The following CHN2 variants were observed in gnomAD, a reference collection of about 807,000 sequenced individuals.
CHN2 encodes chimerin 2, also known as beta-chimaerin.
CHN2 carries 35 observed loss-of-function variants against 56.3 expected under a neutral mutation model. The observed-to-expected ratio is 0.62, with a 90% confidence interval of 0.47 to 0.82. CHN2 has a LOEUF of 0.82. Among genes scored for constraint, CHN2 ranks in the 40% least tolerant of loss-of-function variants. CHN2 has a pLI of 0.00. For missense variants in CHN2, 491 were observed against 580.5 expected (o/e 0.85, Z 1.58); for synonymous variants, 210 against 212.8 (o/e 0.99, Z 0.12).
intron 6 of CHN2, among the ~76,000 whole-genome samples, chr7:29,413,983 A>G (rs1315096219): frequency 6.6e-6 from 1 of 152,200 alleles, no homozygotes; most frequent in African/African-American, 2.4e-5. Context: ...CATTACACAC[A>G]TGCCTGCCTC....
intron 1 of CHN2, among the ~76,000 whole-genome samples, chr7:29,227,603 G>C (rs534783601): frequency 2.0e-5 from 3 of 152,292 alleles, no homozygotes; most frequent in East Asian, 3.9e-4. Flanking sequence ...TTGCTTGCTG[G>C]ATTTGAACTG....
At chr7:29,169,457 T>G (rs1485294681) in intron 2 of CHN2, among the ~76,000 whole-genome samples, 3 of 152,356 alleles carry the variant, frequency 2.0e-5, no homozygotes, top group Non-Finnish European at 4.4e-5. Context: ...TGTTTTTATA[T>G]AAATGTTTAT....
intron 7 of CHN2, among the ~76,000 whole-genome samples, chr7:29,486,626 G>T (rs1788037765): frequency 6.6e-6 from 1 of 152,176 alleles, no homozygotes; most frequent in East Asian, 1.9e-4. Context: ...TAGGGGAAAT[G>T]GTTGCCCTAC....
At chr7:29,349,144 G>A (rs1268432044) in intron 1 of CHN2, among the ~76,000 whole-genome samples, 3 of 152,042 alleles carry the variant, frequency 2.0e-5, no homozygotes, top group Non-Finnish European at 4.4e-5. Flanking sequence ...TTTATCTTAC[G>A]CCCACCCTTC....
intron 6 of CHN2, among the ~76,000 whole-genome samples, chr7:29,440,684 C>CAAAAAAAAA (rs556692737): frequency 1.3e-4 from 6 of 45,668 alleles, no homozygotes; most frequent in Non-Finnish European, 1.6e-4. Context: ...GACTCCGTCT[C>CAAAAAAAAA]AAAAAAAAAA....
At chr7:29,393,826 G>C in intron 4 of CHN2, 116 bp downstream of exon 4, 1 of 324,866 alleles carries the variant, frequency 3.1e-6, no homozygotes, top group South Asian at 5.6e-5. Context: ...TTGTGCAAGA[G>C]TTTAATGATA....
At chr7:29,495,878 A>G in intron 7 of CHN2, 74 bp from the exon 8 acceptor site, 2 of 1,270,082 alleles carry the variant, frequency 1.6e-6, no homozygotes, top group Non-Finnish European at 2.3e-6. Flanking sequence ...GCTGATCTTC[A>G]TTGACATGTC....
At chr7:29,263,291 A>T (rs1246324389) in intron 1 of CHN2, among the ~76,000 whole-genome samples, 2 of 152,128 alleles carry the variant, frequency 1.3e-5, no homozygotes, top group Non-Finnish European at 2.9e-5. Context: ...CGGCCTCCCG[A>T]GGTGCCGGGA....
chr7:29,297,744 G>A (rs564257902), intron 1 of CHN2, among the ~76,000 whole-genome samples: 1 of 152,016 alleles, frequency 6.6e-6, no homozygotes, highest in South Asian at 2.1e-4. Flanking sequence ...ACTAGTTTAA[G>A]GCTTGGGAAA....
At chr7:29,403,180 C>T (rs1235995119) in intron 6 of CHN2, among the ~76,000 whole-genome samples, 6 of 152,010 alleles carry the variant, frequency 3.9e-5, no homozygotes, top group Admixed American at 3.9e-4. Context: ...TCTCTCTGAC[C>T]TATATTGACA....
chr7:29,240,087 G>A (rs1437445584), intron 1 of CHN2, among the ~76,000 whole-genome samples: 1 of 152,202 alleles, frequency 6.6e-6, no homozygotes, highest in African/African-American at 2.4e-5. Context: ...TGAATGGGCT[G>A]ACTGGCTGGC....
chr7:29,333,672 G>C (rs1435183484), intron 1 of CHN2, among the ~76,000 whole-genome samples: 1 of 152,142 alleles, frequency 6.6e-6, no homozygotes, highest in Non-Finnish European at 1.5e-5. Flanking sequence ...TATTGAACAT[G>C]GTCTATTCCT....
chr7:29,398,089 G>T, intron 4 of CHN2: 1 of 253,182 alleles, frequency 3.9e-6, no homozygotes, highest in Non-Finnish European at 7.4e-6. Flanking sequence ...TGAGTAACCT[G>T]GCTTTTTGTT....
intron 1 of CHN2, among the ~76,000 whole-genome samples, chr7:29,270,651 C>T (rs186095890): frequency 1.6e-3 from 241 of 149,300 alleles, no homozygotes; most frequent in African/African-American, 5.6e-3. Flanking sequence ...GGCAACAGAG[C>T]AAGACTCTGT....
At position 29,281,351 on chromosome 7, in the gene CHN2, G is replaced by A. The variant is rs563461664; in HGVS notation, c.50-73274G>A. Among the ~76,000 whole-genome samples the A allele has an allele frequency of 2.0e-5, 3 of 152,168 alleles. No homozygotes were observed. In the East Asian group the frequency reaches 5.8e-4, roughly 29 times the overall value. The stretch of plus-strand genomic sequence containing the variant: ...GTTTGCATACTGAAAATTATCCATG[G>A]AAGGATACAGCACCATTTTTACTTA... On this transcript the variant is annotated intron_variant, in intron 1 of 12. Coordinates refer to ENST00000222792, the MANE Select transcript of CHN2 (RefSeq NM_004067.4).
chr7:29,324,384 C>G (rs2128896876), intron 1 of CHN2, among the ~76,000 whole-genome samples: 1 of 152,282 alleles, frequency 6.6e-6, no homozygotes, highest in South Asian at 2.1e-4. Context: ...ATCATTTAAA[C>G]CATAGCCTAA....
intron 6 of CHN2, among the ~76,000 whole-genome samples, chr7:29,458,063 C>T (rs1347971450): frequency 1.3e-5 from 2 of 152,156 alleles, no homozygotes; most frequent in Non-Finnish European, 2.9e-5. Flanking sequence ...AGTCATAAAT[C>T]CTTGTTAACT....
chr7:29,420,589 G>A (rs968919236), intron 6 of CHN2, among the ~76,000 whole-genome samples: 6 of 152,154 alleles, frequency 3.9e-5, no homozygotes, highest in South Asian at 2.1e-4. Flanking sequence ...GGTATCTAAA[G>A]CAGTCATATT....
chr7:29,496,077 C>G (rs761626850), intron 8 of CHN2, 41 bp downstream of exon 8: 1 of 1,507,226 alleles, frequency 6.6e-7, no homozygotes, highest in Non-Finnish European at 9.2e-7. Context: ...ATATGAAATG[C>G]CACTGTGCTG....
Sources: allele counts gnomAD v4.1 joint callset (sites outside exome capture counted in the v4.1 genomes callset), GRCh38; gene constraint gnomAD v4.1.1; transcripts MANE v1.5; gene names NCBI Gene and HGNC (gene_info 2026-07-23, HGNC 2026-07-21).